Variants in KCNK2 observed in about 807,000 individuals in gnomAD.
KCNK2 encodes the protein potassium two pore domain channel subfamily K member 2.
KCNK2 carries 21 observed loss-of-function variants against 40.5 expected under a neutral mutation model. That is an observed-to-expected ratio of 0.52 (90% CI 0.37 to 0.75). The LOEUF (loss-of-function observed/expected upper bound fraction) is 0.75. Ranked by LOEUF, KCNK2 falls within the 30% of genes least tolerant of loss-of-function variation. KCNK2 has a pLI of 0.00. For synonymous variants in KCNK2, 191 were observed against 202.2 expected, an observed-to-expected ratio of 0.94 and a Z score of 0.47; for missense variants, 399 against 531.6, an observed-to-expected ratio of 0.75 and a Z score of 2.45.
At chr1:215,072,296 C>T (rs1227772273) in intron 1 of KCNK2, among the ~76,000 whole-genome samples, 3 of 152,160 alleles carry the variant, frequency 2.0e-5, no homozygotes, top group African/African-American at 7.2e-5. Context: ...TACAGTTCCA[C>T]ATGGCTGGGA....
upstream of KCNK2, chr1:215,005,782 A>G (rs1656106148): frequency 5.5e-6 from 4 of 725,472 alleles, no homozygotes; most frequent in South Asian, 4.9e-5. Flanking sequence ...GGTAACATTC[A>G]CACACAAAAA....
intron 1 of KCNK2, among the ~76,000 whole-genome samples, chr1:215,071,009 A>G (rs183011312): frequency 1.3e-5 from 2 of 152,322 alleles, no homozygotes; most frequent in African/African-American, 2.4e-5. Context: ...TAATTAATTT[A>G]CTTCTACTAT....
intron 2 of KCNK2, among the ~76,000 whole-genome samples, chr1:215,088,601 C>T (rs549093935): frequency 3.3e-5 from 5 of 150,472 alleles, no homozygotes; most frequent in African/African-American, 7.3e-5. Flanking sequence ...CCATGACCAG[C>T]GTTTCAGGAC....
intron 1 of KCNK2, among the ~76,000 whole-genome samples, chr1:215,053,129 C>T (rs1403433669): frequency 3.3e-5 from 5 of 151,944 alleles, no homozygotes; most frequent in South Asian, 2.1e-4. Flanking sequence ...ATGTGCAGGA[C>T]GTGCAGGTTA....
chr1:215,025,972 G>A lies in KCNK2; in HGVS notation c.34+20017G>A, dbSNP rs138623531. Among the ~76,000 whole-genome samples the A allele has an allele frequency of 4.7e-3, 720 of 152,088 alleles. 2 individuals are homozygous for A. The highest frequency in any genetic ancestry group is 0.016 in the African/African-American group (672 of 41,524). ...GCTGTACCAATTTACATTTTTAGCA[G>A]CAATGTAGAACATGCTTTGTTCCAC... On this transcript the variant is annotated intron_variant, in intron 1 of 6. Coordinates refer to the KCNK2 transcript ENST00000391895.
At chr1:215,210,630 A>G (rs950175402) in intron 6 of KCNK2, among the ~76,000 whole-genome samples, 11 of 152,016 alleles carry the variant, frequency 7.2e-5, no homozygotes, top group African/African-American at 2.7e-4. Flanking sequence ...GGTATTGGGA[A>G]TACAGTTTTA....
rs116749242 is a variant in KCNK2 at position 215,145,814 on chromosome 1, C to T, written c.475+21064C>T. Reference sequence around the variant, plus strand: ...TCCTAATTTATGATCTCTTTCAATACACAGGAAAACTTAAGTTACTCAAAT... The same window carrying T: ...TCCTAATTTATGATCTCTTTCAATATACAGGAAAACTTAAGTTACTCAAAT... On this transcript the variant is annotated intron_variant, in intron 3 of 6. Transcript: ENST00000444842. 2.9e-3 allele frequency among the ~76,000 whole-genome samples: 440 copies of T among 152,130 alleles called. 2 individuals are homozygous for T. The highest frequency in any genetic ancestry group is 4.5e-3 in the Non-Finnish European group (303 of 67,988).
At chr1:215,182,462 C>T (rs1664262370) in intron 5 of KCNK2, among the ~76,000 whole-genome samples, 1 of 152,146 alleles carries the variant, frequency 6.6e-6, no homozygotes, top group Non-Finnish European at 1.5e-5. Flanking sequence ...CACTGCACTA[C>T]AATCTCAGGG....
chr1:215,219,249 A>G (rs1159214798), intron 6 of KCNK2, among the ~76,000 whole-genome samples: 3 of 152,226 alleles, frequency 2.0e-5, no homozygotes, highest in Admixed American at 6.5e-5. Flanking sequence ...GGTTTGTACT[A>G]GAGTTGCCCA....
intron 6 of KCNK2, among the ~76,000 whole-genome samples, chr1:215,209,497 A>T (rs1344004611): frequency 7.7e-3 from 10 of 1,304 alleles, no homozygotes; most frequent in South Asian, 0.12. Flanking sequence ...ACATATATAT[A>T]ATATATAATA....
intron 1 of KCNK2, among the ~76,000 whole-genome samples, chr1:215,077,373 C>T (rs923663498): frequency 1.3e-5 from 2 of 152,160 alleles, no homozygotes; most frequent in African/African-American, 4.8e-5. Flanking sequence ...CTCCCCACAT[C>T]CAAAGGGACG....
chr1:215,014,896 G>A (rs10494989), intron 1 of KCNK2, among the ~76,000 whole-genome samples: 85,160 of 151,978 alleles, frequency 0.56, 25,540 homozygotes, highest in South Asian at 0.78. Context: ...ACAGCTGTAA[G>A]TTGTTTTAAT....
At chr1:215,211,594 G>A (rs1665747484) in intron 6 of KCNK2, among the ~76,000 whole-genome samples, 1 of 152,104 alleles carries the variant, frequency 6.6e-6, no homozygotes, top group Non-Finnish European at 1.5e-5. Context: ...ACAAGCAATT[G>A]TTGCTGTTTT....
At position 215,128,062 on chromosome 1, in the gene KCNK2, A is replaced by C. The variant is rs1451503417; in HGVS notation, c.475+3312A>C. On this transcript the variant is annotated intron_variant, in intron 3 of 6. Coordinates refer to ENST00000444842, the MANE Select transcript of KCNK2 (RefSeq NM_001017425.3). The stretch of plus-strand genomic sequence containing the variant: ...TACACATTTACAATACAGTGTGCCA[A>C]GAGTTGTGAGTTAAGAGCATTTAAT... Among the ~76,000 whole-genome samples, 4 of 152,218 alleles carry C rather than the reference A, an allele frequency of 2.6e-5. No individual in the cohort carries two copies. In the East Asian group the frequency reaches 7.7e-4, roughly 29 times the overall value.
At chr1:215,158,069 C>T (rs1189219913) in intron 3 of KCNK2, among the ~76,000 whole-genome samples, 2 of 152,114 alleles carry the variant, frequency 1.3e-5, no homozygotes, top group South Asian at 2.1e-4. Flanking sequence ...ATGCCTCCTC[C>T]AAGACACAGA....
Position 215,230,478 on chromosome 1 carries a change from TACACACACACAC to T in KCNK2, c.964-4337_964-4326del, listed in dbSNP as rs1160868753. 6.8e-3 allele frequency among the ~76,000 whole-genome samples: 581 copies of T among 85,068 alleles called. 1 individual carries two copies. The highest frequency in any genetic ancestry group is 0.011 in the Non-Finnish European group (450 of 42,842). 55.8% of individuals were successfully genotyped at this position (85,068 alleles called of 152,430 possible). ...TAGCTCATGGCTGTAGATATATATA[TACACACACACAC>T]ACACACACACACGGCTGTATATATA... On this transcript the variant is annotated intron_variant, in intron 6 of 6. Coordinates refer to ENST00000444842, the MANE Select transcript of KCNK2 (RefSeq NM_001017425.3).
At chr1:215,075,699 T>C (rs1470471403) in intron 1 of KCNK2, among the ~76,000 whole-genome samples, 11 of 152,252 alleles carry the variant, frequency 7.2e-5, no homozygotes, top group Non-Finnish European at 1.5e-4. Flanking sequence ...GATGTTGTTA[T>C]GTGCCAGTGT....
intron 6 of KCNK2, among the ~76,000 whole-genome samples, chr1:215,221,130 GAGGCCA>G (rs1448671415): frequency 6.6e-6 from 1 of 152,230 alleles, no homozygotes; most frequent in Non-Finnish European, 1.5e-5. Flanking sequence ...AGCACTTTGA[GAGGCCA>G]AGGCCAAGGT....
At chr1:215,083,486 A>C (rs2102526650) in intron 1 of KCNK2, 55 bp downstream of exon 1, 1 of 1,344,670 alleles carries the variant, frequency 7.4e-7, no homozygotes, top group Non-Finnish European at 1.1e-6. Context: ...CTCCTGCCCC[A>C]GCCTTTTCTG....
Sources: gnomAD v4.1 joint callset for allele counts (sites outside exome capture counted in the v4.1 genomes callset) on GRCh38, gnomAD v4.1.1 for gene constraint, MANE v1.5 for transcripts, NCBI Gene and HGNC (gene_info 2026-07-23, HGNC 2026-07-21) for gene names.